The following ANKRD44 variants were observed in gnomAD, a reference collection of about 807,000 sequenced individuals.
The protein encoded by ANKRD44 is ankyrin repeat domain 44, also known as serine/threonine-protein phosphatase 6 regulatory ankyrin repeat subunit B.
In ANKRD44, 35 loss-of-function variants were observed where a neutral mutation model predicts 116.0. The observed-to-expected ratio is 0.30, with a 90% CI of 0.23 to 0.40. ANKRD44 has a LOEUF of 0.40. Among genes scored for constraint, ANKRD44 ranks in the 10% least tolerant of loss-of-function variants. The pLI is 1.00. For missense variants in ANKRD44, 1,014 were observed against 1,242.6 expected (o/e 0.82, Z 2.77); for synonymous variants, 435 against 461.8 (o/e 0.94, Z 0.74).
chr2:197,033,116 C>T (rs976820354), intron 16 of ANKRD44, among the ~76,000 whole-genome samples: 3 of 151,886 alleles, frequency 2.0e-5, no homozygotes, highest in African/African-American at 7.3e-5. Flanking sequence ...TGCATGAAGC[C>T]CCCACAGTGA....
At chr2:197,175,719 G>C (rs2080348828) in intron 2 of ANKRD44, among the ~76,000 whole-genome samples, 1 of 152,186 alleles carries the variant, frequency 6.6e-6, no homozygotes, top group South Asian at 2.1e-4. Flanking sequence ...CAGGGTGTCA[G>C]CTCTAGTGCT....
At chr2:197,300,802 C>T (rs370714257) in intron 1 of ANKRD44, among the ~76,000 whole-genome samples, 1 of 130,560 alleles carries the variant, frequency 7.7e-6, no homozygotes, top group Non-Finnish European at 1.6e-5. Flanking sequence ...TCACTCTTGT[C>T]GCCCAGGCTG....
At chr2:197,251,382 T>C (rs2105661642) in intron 1 of ANKRD44, among the ~76,000 whole-genome samples, 1 of 152,332 alleles carries the variant, frequency 6.6e-6, no homozygotes, top group East Asian at 1.9e-4. Flanking sequence ...AGTGGGTTAC[T>C]AGGTCAAAGA....
intron 16 of ANKRD44, among the ~76,000 whole-genome samples, chr2:197,063,722 A>G (rs2077369760): frequency 1.3e-5 from 2 of 152,226 alleles, no homozygotes; most frequent in Admixed American, 1.3e-4. Context: ...GATCAAATGA[A>G]TGAAATGAAA....
At chr2:197,074,588 C>T (rs904474891) in intron 16 of ANKRD44, among the ~76,000 whole-genome samples, 2 of 152,170 alleles carry the variant, frequency 1.3e-5, no homozygotes, top group East Asian at 1.9e-4. Flanking sequence ...CTTCATGCCT[C>T]CGCCTCCTGA....
chr2:197,071,561 T>C (rs1049606169), intron 16 of ANKRD44, among the ~76,000 whole-genome samples: 6 of 152,224 alleles, frequency 3.9e-5, no homozygotes, highest in Admixed American at 2.6e-4. Flanking sequence ...AAACACGCTC[T>C]ATATGATTTC....
At chr2:197,295,917 T>C (rs2083707951) in intron 1 of ANKRD44, among the ~76,000 whole-genome samples, 1 of 151,984 alleles carries the variant, frequency 6.6e-6, no homozygotes. Flanking sequence ...CCAGGTGGCA[T>C]GGAGGTACAT....
chr2:197,082,823 A>G (rs896728479), intron 14 of ANKRD44, among the ~76,000 whole-genome samples: 2 of 152,192 alleles, frequency 1.3e-5, no homozygotes, highest in Admixed American at 1.3e-4. Flanking sequence ...TAACTAGTTC[A>G]CTTATTTCTG....
chr2:197,183,030 G>A (rs1036260981), intron 2 of ANKRD44, among the ~76,000 whole-genome samples: 1 of 152,194 alleles, frequency 6.6e-6, no homozygotes, highest in Non-Finnish European at 1.5e-5. Flanking sequence ...AATTGGAAGG[G>A]TGGAGAAGTG....
chr2:196,983,213 A>G (rs2075814235), downstream of ANKRD44, among the ~76,000 whole-genome samples: 4 of 151,976 alleles, frequency 2.6e-5, no homozygotes, highest in Admixed American at 2.0e-4. Context: ...AAAAATAAAA[A>G]TGACAGAAAA....
intron 3 of ANKRD44, among the ~76,000 whole-genome samples, chr2:197,140,889 T>C (rs990454946): frequency 5.9e-5 from 9 of 152,168 alleles, no homozygotes; most frequent in Non-Finnish European, 1.0e-4. Context: ...ATGCAGCTTA[T>C]TGTATATCAA....
At chr2:197,111,860 G>A (rs928314397) in intron 8 of ANKRD44, among the ~76,000 whole-genome samples, 4 of 152,072 alleles carry the variant, frequency 2.6e-5, no homozygotes, top group Non-Finnish European at 4.4e-5. Context: ...AGAAGTCACA[G>A]GACTAAGGCA....
chr2:197,063,772 G>A (rs1256951117), intron 16 of ANKRD44, among the ~76,000 whole-genome samples: 10 of 152,144 alleles, frequency 6.6e-5, no homozygotes, highest in Non-Finnish European at 1.2e-4. Flanking sequence ...AAAAAGAAAC[G>A]AACAAAGCCT....
At chr2:197,186,022 C>T (rs546493582) in intron 2 of ANKRD44, among the ~76,000 whole-genome samples, 2 of 152,318 alleles carry the variant, frequency 1.3e-5, no homozygotes, top group Non-Finnish European at 2.9e-5. Context: ...CGTGTTCCAA[C>T]AAAACTGTAT....
chr2:197,150,949 C>T lies in ANKRD44; in HGVS notation c.112-3844G>A, dbSNP rs1387729086. ...GACAAACACTCACGTAGGCAGATGG[C>T]AAAGAGATGCCTTGTCCCGGGTTCT... On this transcript the variant is annotated intron_variant, in intron 2 of 27. Coordinates refer to ENST00000282272, the MANE Select transcript of ANKRD44 (RefSeq NM_001195144.2). Among the ~76,000 whole-genome samples the T allele has an allele frequency of 1.3e-4, 20 of 152,112 alleles. 1 individual carries two copies. The highest frequency in any genetic ancestry group is 1.3e-3 in the Admixed American group (20 of 15,280).
In ANKRD44 at chr2:197,102,079, C is replaced by CA. The variant is rs201087757; in HGVS notation, c.986-2150dup. On this transcript the variant is annotated intron_variant, in intron 9 of 27. Transcript: ENST00000282272. The stretch of plus-strand genomic sequence containing the variant: ...AAAAAACAAAAAACAAAAACAAAAA[C>CA]AAAAAAAAATCCCCCTACTTAACAG... 8.9e-3 allele frequency among the ~76,000 whole-genome samples: 1,336 copies of CA among 150,670 alleles called. 9 individuals are homozygous for CA. The highest frequency in any genetic ancestry group is 0.015 in the Non-Finnish European group (1,020 of 67,572).
chr2:197,275,639 A>G (rs1485055391), intron 1 of ANKRD44, among the ~76,000 whole-genome samples: 1 of 151,824 alleles, frequency 6.6e-6, no homozygotes, highest in East Asian at 1.9e-4. Flanking sequence ...TGCACTTTCT[A>G]TGTCCACAGC....
intron 1 of ANKRD44, among the ~76,000 whole-genome samples, chr2:197,238,234 T>C (rs1254105098): frequency 6.6e-6 from 1 of 152,204 alleles, no homozygotes; most frequent in African/African-American, 2.4e-5. Context: ...CACACTGGAT[T>C]CCCAGAGCCT....
chr2:196,976,728 G>A (rs888644427), intron 21 of ANKRD44, among the ~76,000 whole-genome samples: 4 of 152,072 alleles, frequency 2.6e-5, no homozygotes, highest in Admixed American at 6.6e-5. Context: ...TTAGCAGGGC[G>A]TGGTGGTGCA....
Sources: allele counts gnomAD v4.1 joint callset (sites outside exome capture counted in the v4.1 genomes callset), GRCh38; gene constraint gnomAD v4.1.1; transcripts MANE v1.5; gene names NCBI Gene and HGNC (gene_info 2026-07-23, HGNC 2026-07-21).